Variants in TCF4 observed in about 807,000 individuals in gnomAD.
The protein encoded by TCF4 is transcription factor 4.
TCF4 carries 3 observed loss-of-function variants against 82.1 expected under a neutral mutation model. The observed-to-expected ratio is 0.04, with a 90% confidence interval of 0.02 to 0.09. The LOEUF (loss-of-function observed/expected upper bound fraction) is 0.09, where lower values mean the gene tolerates loss of function less well. TCF4 is among the 10% of genes least tolerant of loss of function. TCF4 has a pLI of 1.00. For synonymous variants in TCF4, 276 were observed against 309.6 expected, an observed-to-expected ratio of 0.89 and a Z score of 1.14; for missense variants, 518 against 852.7, an observed-to-expected ratio of 0.61 and a Z score of 4.89.
At chr18:55,621,716 T>G (rs1429629916) in intron 2 of TCF4, among the ~76,000 whole-genome samples, 1 of 88,618 alleles carries the variant, frequency 1.1e-5, no homozygotes, top group African/African-American at 4.6e-5. Context: ...ATATAATATA[T>G]AATTATATTT....
At chr18:55,477,741 A>G (rs900557429) in intron 3 of TCF4, among the ~76,000 whole-genome samples, 1 of 152,186 alleles carries the variant, frequency 6.6e-6, no homozygotes, top group African/African-American at 2.4e-5. Context: ...AAACATGTTC[A>G]CTACTGAAGT....
chr18:55,579,318 C>G (rs571153535), intron 3 of TCF4, among the ~76,000 whole-genome samples: 268 of 151,278 alleles, frequency 1.8e-3, no homozygotes, highest in South Asian at 3.8e-3. Context: ...AAAATTTTAC[C>G]CAGAGTAATA....
chr18:55,628,323 G>T (rs2097728567), intron 2 of TCF4, among the ~76,000 whole-genome samples: 1 of 152,042 alleles, frequency 6.6e-6, no homozygotes, highest in Non-Finnish European at 1.5e-5. Context: ...ATCTGGTTTG[G>T]CCACTAACAT....
chr18:55,585,892 T>C (rs2097639766), intron 2 of TCF4: 1 of 1,220,236 alleles, frequency 8.2e-7, no homozygotes, highest in Non-Finnish European at 1.0e-6. Context: ...CACTCTCTCT[T>C]TCACTCCCTC....
intron 15 of TCF4, among the ~76,000 whole-genome samples, chr18:55,241,335 G>A (rs561333161): frequency 7.2e-5 from 11 of 152,148 alleles, no homozygotes; most frequent in Non-Finnish European, 1.5e-4. Context: ...CTCACCTAGC[G>A]GGGACACTGG....
intron 5 of TCF4, among the ~76,000 whole-genome samples, chr18:55,431,637 T>C (rs956284231): frequency 6.6e-6 from 1 of 152,142 alleles, no homozygotes; most frequent in Admixed American, 6.5e-5. Context: ...ATGCAGGGCT[T>C]TGTATTTCTG....
intron 3 of TCF4, among the ~76,000 whole-genome samples, chr18:55,541,862 T>A (rs1427659466): frequency 3.3e-5 from 5 of 151,926 alleles, no homozygotes; most frequent in African/African-American, 1.2e-4. Flanking sequence ...TTAACACAGT[T>A]AGAAAAATTA....
chr18:55,575,343 C>T (rs538236053), intron 3 of TCF4, among the ~76,000 whole-genome samples: 84 of 152,258 alleles, frequency 5.5e-4, no homozygotes, highest in Admixed American at 9.8e-4. Context: ...AAACTGACAT[C>T]GTTTAATATT....
At chr18:55,534,438 G>A (rs2097097499) in intron 3 of TCF4, among the ~76,000 whole-genome samples, 1 of 152,232 alleles carries the variant, frequency 6.6e-6, no homozygotes, top group South Asian at 2.1e-4. Flanking sequence ...ATAAGTGAGG[G>A]ATGGTAGACT....
At chr18:55,304,163 G>A (rs2069353236) in intron 8 of TCF4, among the ~76,000 whole-genome samples, 1 of 152,198 alleles carries the variant, frequency 6.6e-6, no homozygotes, top group African/African-American at 2.4e-5. Context: ...AATGGCGGAA[G>A]TTGTGAATAG....
At chr18:55,608,607 G>A (rs2097704370) in intron 2 of TCF4, among the ~76,000 whole-genome samples, 1 of 152,068 alleles carries the variant, frequency 6.6e-6, no homozygotes, top group South Asian at 2.1e-4. Flanking sequence ...TTTTTATAGA[G>A]CATGTTAGGC....
intron 5 of TCF4, among the ~76,000 whole-genome samples, chr18:55,427,134 C>A (rs970614133): frequency 8.5e-5 from 13 of 152,200 alleles, no homozygotes; most frequent in Admixed American, 3.3e-4. Flanking sequence ...ACCCCAAATC[C>A]AACAGGTTTA....
intron 3 of TCF4, among the ~76,000 whole-genome samples, chr18:55,500,744 C>T (rs1313754122): frequency 6.6e-6 from 1 of 152,106 alleles, no homozygotes; most frequent in Non-Finnish European, 1.5e-5. Context: ...GCATTTGGGA[C>T]CCCACTTCAA....
intron 3 of TCF4, among the ~76,000 whole-genome samples, chr18:55,572,026 AC>A (rs916225244): frequency 2.6e-5 from 4 of 152,192 alleles, no homozygotes; most frequent in Non-Finnish European, 5.9e-5. Context: ...CAGAAACAGG[AC>A]CAAGCACTGC....
intron 3 of TCF4, among the ~76,000 whole-genome samples, chr18:55,535,384 G>T (rs1238240772): frequency 3.3e-5 from 5 of 152,160 alleles, no homozygotes; most frequent in African/African-American, 1.2e-4. Context: ...AAAAAAACCT[G>T]CAGCGACCAT....
At chr18:55,628,518 T>C (rs2097728731) in intron 2 of TCF4, among the ~76,000 whole-genome samples, 1 of 152,190 alleles carries the variant, frequency 6.6e-6, no homozygotes, top group Non-Finnish European at 1.5e-5. Flanking sequence ...TTTTTAAATG[T>C]TGTGTTTAGT....
At chr18:55,291,805 G>C (rs1377043876) in intron 8 of TCF4, among the ~76,000 whole-genome samples, 1 of 152,142 alleles carries the variant, frequency 6.6e-6, no homozygotes, top group Non-Finnish European at 1.5e-5. Flanking sequence ...CACAAAGCTA[G>C]GTGCTTTGGT....
At chr18:55,427,551 G>A (rs536716471) in intron 5 of TCF4, among the ~76,000 whole-genome samples, 50 of 152,222 alleles carry the variant, frequency 3.3e-4, no homozygotes, top group African/African-American at 1.2e-3. Context: ...GAGAACCCTG[G>A]CAAGTTACTA....
chr18:55,547,877 A>C (rs2097220186), intron 3 of TCF4, among the ~76,000 whole-genome samples: 1 of 151,890 alleles, frequency 6.6e-6, no homozygotes, highest in African/African-American at 2.4e-5. Context: ...TAACAACTCT[A>C]TTTTATCAAT....
Sources: gnomAD v4.1 joint callset for allele counts (sites outside exome capture counted in the v4.1 genomes callset) on GRCh38, gnomAD v4.1.1 for gene constraint, MANE v1.5 for transcripts, NCBI Gene and HGNC (gene_info 2026-07-23, HGNC 2026-07-21) for gene names.